TCHP: variants seen among roughly 807,000 people sequenced by gnomAD.
TCHP encodes trichoplein keratin filament-binding protein.
A neutral mutation model predicts 88.7 loss-of-function variants in TCHP; 81 were observed. The observed-to-expected ratio is 0.91, with a 90% CI of 0.76 to 1.10. The LOEUF (loss-of-function observed/expected upper bound fraction) is 1.10, where lower values mean the gene tolerates loss of function less well. Among genes scored for constraint, TCHP ranks in the 50% least tolerant of loss-of-function variants. The probability of loss-of-function intolerance (pLI) is 0.00; values close to 1 mark genes in which losing one functional copy is unlikely to be tolerated. For synonymous variants in TCHP, 232 were observed against 232.5 expected, an observed-to-expected ratio of 1.00 and a Z score of 0.02; for missense variants, 641 against 632.1, an observed-to-expected ratio of 1.01 and a Z score of -0.15.
chr12:109,903,970 G>A lies in TCHP; in HGVS notation c.222G>A (p.Glu74=). Residue 74 remains glutamate (E), a synonymous_variant, in exon 3 of 13, where the codon GAG becomes GAA. Coordinates refer to ENST00000405876, the MANE Select transcript of TCHP (RefSeq NM_001143852.2). The surrounding 1 kb of genome is among the most constrained non-coding windows in gnomAD (Gnocchi z 4.6). ...CCTATCAGCGGGAGAAGATGAAGGA[G>A]GAGAAGAGGAGGAGTCTGGAGGCCC... ...MHAYQREKMK[E]EKRRSLEARR... is the part of the protein sequence containing the mutation. 6.2e-7 allele frequency: 1 copy of A among 1,610,582 alleles called. No individual in the cohort carries two copies. Among genetic ancestry groups the A allele is most frequent in the Non-Finnish European group, 8.5e-7 (1 of 1,178,816 alleles).
rs182076877 is a variant in TCHP at position 109,905,818 on chromosome 12, G to C, written c.457-754G>C. ...CCGTTAAATCAGAAAAGTTTATTCA[G>C]AACATTCAAGTTAATTGCCTATGTT... On this transcript the variant is annotated intron_variant, in intron 4 of 12. Transcript: ENST00000405876. This position sits in a 1 kb window ranked among gnomAD's most constrained non-coding sequence, Gnocchi z 4.0. Among the ~76,000 whole-genome samples, 12 of 152,272 alleles carry C rather than the reference G, an allele frequency of 7.9e-5. No individual in the cohort carries two copies. The East Asian group carries it at 1.9e-3, about 24-fold the overall frequency.
In TCHP at chr12:109,904,108, C is replaced by A. The variant is rs140383594; in HGVS notation, c.360C>A (p.His120Gln). Residue 120 changes from histidine (H) to glutamine (Q), a missense_variant, in exon 3 of 13, where the codon CAC becomes CAA. Coordinates refer to ENST00000405876, the MANE Select transcript of TCHP (RefSeq NM_001143852.2). ...NLQERRIREQ[H>Q]GKLKSAKEEQ... The stretch of plus-strand genomic sequence containing the variant: ...AGGAAAGAAGAATCCGGGAGCAGCA[C>A]GGGAAGCTGAAATCAGCCAAAGAAG... The A allele has an allele frequency of 6.3e-7, 1 of 1,587,426 alleles. No homozygotes were observed. Among genetic ancestry groups the A allele is most frequent in the Non-Finnish European group, 8.6e-7 (1 of 1,166,580 alleles).
rs1171195739 is a variant in TCHP at position 109,908,639 on chromosome 12, A to G, written c.753A>G (p.Leu251=). The change falls in exon 7 of 13, where the codon CTA becomes CTG. Residue 251 remains leucine, a synonymous_variant. Transcript: ENST00000405876. ...ATCTGTTGAAGCAGCGGTGGGAGCT[A>G]GAGAGGCTGGAGGAAGAGCGAAAGC... ...QENLLKQRWE[L]ERLEEERKQM... The G allele has an allele frequency of 6.2e-7, 1 of 1,603,000 alleles. No individual in the cohort carries two copies. Among genetic ancestry groups the G allele is most frequent in the East Asian group, 2.2e-5 (1 of 44,530 alleles).
At position 109,911,108 on chromosome 12, in the gene TCHP, G is replaced by A. The variant is rs538057194; in HGVS notation, c.925G>A (p.Glu309Lys). ...ILQALLEKED[E>K]SQRLHLARRE... Reference sequence around the variant, plus strand: ...GCAGGCCCTCCTCGAGAAGGAGGACGAGAGCCAGCGCCTCCACCTGGCCAG... The same window carrying A: ...GCAGGCCCTCCTCGAGAAGGAGGACAAGAGCCAGCGCCTCCACCTGGCCAG... Residue 309 changes from glutamate to lysine, a missense_variant, in exon 9 of 13, where the codon GAG (glutamate) becomes AAG (lysine). Physicochemically the swap from Glu to Lys is moderately conservative, Grantham distance 56 (BLOSUM62 1). Transcript: ENST00000405876. 1.9e-6 allele frequency: 3 copies of A among 1,596,366 alleles called. No individual in the cohort carries two copies. The highest frequency in any genetic ancestry group is 1.1e-5 in the South Asian group (1 of 87,910).
At chr12:109,892,818 C>T in the TCHP span, among the ~76,000 whole-genome samples, 1 of 152,200 alleles carries the variant, frequency 6.6e-6, no homozygotes, top group Admixed American at 6.5e-5. Context: ...CTCCTAGAGA[C>T]ACTGTGAGGA....
chr12:109,896,167 G>A (rs957517561), upstream of TCHP, among the ~76,000 whole-genome samples: 6 of 152,164 alleles, frequency 3.9e-5, no homozygotes, highest in Admixed American at 6.5e-5. Flanking sequence ...GGCTGGTCTC[G>A]AACTCCTGAC....
At chr12:109,906,714 C>G (rs1271248749) in intron 5 of TCHP, 74 bp downstream of exon 5, 1 of 1,297,884 alleles carries the variant, frequency 7.7e-7, no homozygotes, top group Middle Eastern at 1.8e-4. Flanking sequence ...ATTCGTTTAC[C>G]GTTTTCAGCA....
the TCHP span, among the ~76,000 whole-genome samples, chr12:109,886,647 A>C: frequency 6.6e-6 from 1 of 152,128 alleles, no homozygotes; most frequent in African/African-American, 2.4e-5. Context: ...TTCGGTGGGC[A>C]ATGGCATTTC....
At position 109,917,453 on chromosome 12, in the gene TCHP, C is replaced by G. The variant is rs1310836214; in HGVS notation, c.*830C>G. ...AAGAGTGAGACCCCATCTCTAAAACCAAAAAGGTACCTTAGAAGGTCACCT... is the reference window on the plus strand; with the variant it reads ...AAGAGTGAGACCCCATCTCTAAAACGAAAAAGGTACCTTAGAAGGTCACCT... On this transcript the variant is annotated 3_prime_UTR_variant, in exon 13 of 13. Coordinates refer to ENST00000405876, the MANE Select transcript of TCHP (RefSeq NM_001143852.2). The G allele has an allele frequency of 6.6e-6, 1 of 152,064 alleles. No individual in the cohort carries two copies. Among genetic ancestry groups the G allele is most frequent in the Non-Finnish European group, 1.5e-5 (1 of 68,006 alleles). 9.4% of individuals were successfully genotyped at this position (152,064 alleles called of 1,614,324 possible).
In TCHP at chr12:109,916,702, C is replaced by T; in HGVS notation, c.*79C>T. 1 of 1,445,100 alleles carries T rather than the reference C, an allele frequency of 6.9e-7. No homozygotes were observed. Among genetic ancestry groups the T allele is most frequent in the Non-Finnish European group, 9.6e-7 (1 of 1,044,316 alleles). 89.5% of individuals were successfully genotyped at this position (1,445,100 alleles called of 1,614,324 possible). On this transcript the variant is annotated 3_prime_UTR_variant, in exon 13 of 13. Coordinates refer to ENST00000405876, the MANE Select transcript of TCHP (RefSeq NM_001143852.2). ...AGCCGCCAGGCAGTTTTACAGGGCTCTGTTAACAGTAAGTGCCCGGGGCAC... is the reference window on the plus strand; with the variant it reads ...AGCCGCCAGGCAGTTTTACAGGGCTTTGTTAACAGTAAGTGCCCGGGGCAC...
chr12:109,901,886 G>A (rs745417494), intron 1 of TCHP, among the ~76,000 whole-genome samples: 5 of 152,226 alleles, frequency 3.3e-5, no homozygotes, highest in African/African-American at 7.2e-5. Flanking sequence ...TCTTAATTTC[G>A]TCTCAAACTG....
rs1300300828 is a variant in TCHP at position 109,911,089 on chromosome 12, C to A, written c.906C>A (p.Ala302=). 2 of 1,593,938 alleles carry A rather than the reference C, an allele frequency of 1.3e-6. No individual in the cohort carries two copies. The highest frequency in any genetic ancestry group is 1.7e-6 in the Non-Finnish European group (2 of 1,171,124). The change falls in exon 9 of 13, where the codon GCC becomes GCA. Residue 302 remains alanine (A), a synonymous_variant. Coordinates refer to ENST00000405876, the MANE Select transcript of TCHP (RefSeq NM_001143852.2). ...ELEADRRILQ[A]LLEKEDESQR... ...AGGCAGACAGGCGGATCCTGCAGGC[C>A]CTCCTCGAGAAGGAGGACGAGAGCC...
intron 1 of TCHP, chr12:109,901,185 C>T (rs1157907420): frequency 6.7e-6 from 1 of 149,966 alleles, no homozygotes; most frequent in South Asian, 2.1e-4. Flanking sequence ...AGCCTGGGCT[C>T]TGGTCTCAGA....
intron 1 of TCHP, among the ~76,000 whole-genome samples, chr12:109,901,613 G>T (rs1218056899): frequency 6.6e-6 from 1 of 152,106 alleles, no homozygotes; most frequent in South Asian, 2.1e-4. Context: ...AGTTGGTGTC[G>T]GGCAGAGCAC....
rs1036773863 is a variant in TCHP at position 109,905,057 on chromosome 12, G to C, written c.456+264G>C. On this transcript the variant is annotated intron_variant, in intron 4 of 12. Transcript: ENST00000405876. The surrounding 1 kb of genome is among the most constrained non-coding windows in gnomAD (Gnocchi z 4.0). ...AGACATGGTTTCTGCTCATTAGCTT[G>C]TGTCCAGCATGGGAGCTCATTACAG... is the stretch of plus-strand genomic sequence containing the variant. 5.0e-5 allele frequency: 24 copies of C among 477,538 alleles called. No individual in the cohort carries two copies. Among genetic ancestry groups the C allele is most frequent in the Non-Finnish European group, 8.6e-5 (23 of 266,490 alleles). The allele number at this position is 477,538 out of a possible 1,614,324, so 29.6% of individuals were successfully genotyped here. A position where few individuals can be genotyped will look rare whatever the true frequency, so the allele number is the denominator to read the frequency against.
chr12:109,899,956 G>A (rs1428171607), upstream of TCHP, among the ~76,000 whole-genome samples: 1 of 151,966 alleles, frequency 6.6e-6, no homozygotes, highest in Non-Finnish European at 1.5e-5. Flanking sequence ...CACCATGCCC[G>A]GTTAAGTTTA....
intron 3 of TCHP, 121 bp downstream of exon 3, chr12:109,904,268 C>A: frequency 1.1e-6 from 1 of 874,786 alleles, no homozygotes; most frequent in Non-Finnish European, 1.8e-6. Context: ...AACTCCAGAG[C>A]CAGCAGGAAA....
rs371405072 is a variant in TCHP at position 109,903,909 on chromosome 12, T to C, written c.189-28T>C. On this transcript the variant is annotated intron_variant, in intron 2 of 12. Transcript: ENST00000405876. This position sits in a 1 kb window ranked among gnomAD's most constrained non-coding sequence, Gnocchi z 4.6. Reference sequence around the variant, plus strand: ...ACGTTCCCTGTGGCTGTAGCATGATTGATTCAGGCAGGCCCCCTCTCACCC... The same window carrying C: ...ACGTTCCCTGTGGCTGTAGCATGATCGATTCAGGCAGGCCCCCTCTCACCC... 1.5e-5 allele frequency: 23 copies of C among 1,566,562 alleles called. No homozygotes were observed. In the African/African-American group the frequency reaches 3.1e-4, roughly 21 times the overall value.
Position 109,903,945 on chromosome 12 carries a change from C to T in TCHP, c.197C>T (p.Ala66Val). 6.2e-7 allele frequency: 1 copy of T among 1,606,256 alleles called. No individual in the cohort carries two copies. The highest frequency in any genetic ancestry group is 8.5e-7 in the Non-Finnish European group (1 of 1,177,094). The part of the protein sequence containing the change: ...SKTSYQRSMH[A>V]YQREKMKEEK... ...GGCCCCCTCTCACCCAGCATGCATG[C>T]CTATCAGCGGGAGAAGATGAAGGAG... The change falls in exon 3 of 13, where the codon GCC becomes GTC. Residue 66 changes from alanine (A) to valine (V), a missense_variant. Physicochemically the swap from Ala to Val is moderately conservative, Grantham distance 64. Coordinates refer to ENST00000405876, the MANE Select transcript of TCHP (RefSeq NM_001143852.2). The surrounding 1 kb of genome is among the most constrained non-coding windows in gnomAD (Gnocchi z 4.6).
Sources: allele counts gnomAD v4.1 joint callset (sites outside exome capture counted in the v4.1 genomes callset), GRCh38; gene constraint gnomAD v4.1.1; non-coding constraint Gnocchi (gnomAD v3.1); transcripts MANE v1.5; gene names NCBI Gene and HGNC (gene_info 2026-07-23, HGNC 2026-07-21).